Variants in HS3ST4 observed in about 807,000 individuals in gnomAD.
The protein encoded by HS3ST4 is heparan sulfate-glucosamine 3-sulfotransferase 4.
HS3ST4 carries 17 observed loss-of-function variants against 29.2 expected under a neutral mutation model. The ratio of observed to expected loss-of-function variants is 0.58; its 90% CI spans 0.40 to 0.87. HS3ST4 has a LOEUF of 0.87. Ranked by LOEUF, HS3ST4 falls within the 40% of genes least tolerant of loss-of-function variation. The pLI is 0.00. For missense variants in HS3ST4, 627 were observed against 634.5 expected, an observed-to-expected ratio of 0.99 and a Z score of 0.13; for synonymous variants, 314 against 285.7, an observed-to-expected ratio of 1.10 and a Z score of -1.00.
intron 1 of HS3ST4, among the ~76,000 whole-genome samples, chr16:25,728,999 CTT>C (rs947565273): frequency 6.6e-6 from 1 of 151,880 alleles, no homozygotes; most frequent in Non-Finnish European, 1.5e-5. Context: ...GGGAGGATCT[CTT>C]GAGCCCAGGA....
chr16:25,974,014 C>G (rs1968920240), intron 1 of HS3ST4, among the ~76,000 whole-genome samples: 1 of 152,188 alleles, frequency 6.6e-6, no homozygotes, highest in Admixed American at 6.5e-5. Flanking sequence ...AAGACACATG[C>G]TCGTAAGCAG....
At chr16:26,023,791 C>T (rs62034502) in intron 1 of HS3ST4, among the ~76,000 whole-genome samples, 82,022 of 151,918 alleles carry the variant, frequency 0.54, 22,891 homozygotes, top group South Asian at 0.74. Context: ...GGGTAGAATG[C>T]ACATGATGTT....
At chr16:26,102,256 A>ATT (rs5816353) in intron 1 of HS3ST4, among the ~76,000 whole-genome samples, 12 of 151,394 alleles carry the variant, frequency 7.9e-5, no homozygotes, top group South Asian at 2.1e-4. Context: ...CACAGCAATG[A>ATT]TTTTTTTTTT....
At chr16:26,067,134 TAAC>T (rs1898552240) in intron 1 of HS3ST4, among the ~76,000 whole-genome samples, 1 of 152,138 alleles carries the variant, frequency 6.6e-6, no homozygotes, top group Admixed American at 6.5e-5. Context: ...CATCTCTACT[TAAC>T]AACACTTCCA....
chr16:25,997,533 A>G (rs999434451), intron 1 of HS3ST4, among the ~76,000 whole-genome samples: 20 of 152,188 alleles, frequency 1.3e-4, no homozygotes, highest in African/African-American at 4.8e-4. Context: ...TCAACAACCT[A>G]TATCTCTTCA....
chr16:26,088,935 A>C (rs1419327006), intron 1 of HS3ST4, among the ~76,000 whole-genome samples: 1 of 152,214 alleles, frequency 6.6e-6, no homozygotes, highest in Non-Finnish European at 1.5e-5. Flanking sequence ...ATCATCCAAA[A>C]TATACCTCTC....
intron 1 of HS3ST4, among the ~76,000 whole-genome samples, chr16:26,038,107 G>A (rs1179501264): frequency 6.6e-6 from 1 of 152,040 alleles, no homozygotes; most frequent in Non-Finnish European, 1.5e-5. Context: ...ACTCTCCTGT[G>A]GCTTCCTCTG....
chr16:26,126,089 C>T (rs1010833275), intron 1 of HS3ST4, among the ~76,000 whole-genome samples: 5 of 152,224 alleles, frequency 3.3e-5, no homozygotes, highest in African/African-American at 1.2e-4. Flanking sequence ...ATTATTCAGA[C>T]CCGCCTCTGA....
intron 1 of HS3ST4, among the ~76,000 whole-genome samples, chr16:26,058,776 C>T (rs79392750): frequency 0.075 from 11,404 of 152,258 alleles, 628 homozygotes; most frequent in Admixed American, 0.17. Context: ...ACACCTGACT[C>T]AGTCCCTTTC....
intron 1 of HS3ST4, among the ~76,000 whole-genome samples, chr16:26,122,367 G>T (rs1013847527): frequency 3.3e-5 from 5 of 151,856 alleles, no homozygotes; most frequent in African/African-American, 1.2e-4. Context: ...GGGTTTAATT[G>T]TGTTGTATGG....
rs184417450 is a variant in HS3ST4, at chr16:25,906,334, A to G, written c.734+213183A>G. Among the ~76,000 whole-genome samples, 564 of 152,306 alleles carry G rather than the reference A, an allele frequency of 3.7e-3. 3 individuals are homozygous for G. The highest frequency in any genetic ancestry group is 0.013 in the African/African-American group (541 of 41,576). ...GCTTTTCAAGCAAATTCAATTAAAC[A>G]TTATTTTTTATTCTTACCCTATGTA... On this transcript the variant is annotated intron_variant, in intron 1 of 1. Transcript: ENST00000331351.
intron 1 of HS3ST4, among the ~76,000 whole-genome samples, chr16:25,753,457 G>A (rs1966734325): frequency 6.6e-6 from 1 of 152,148 alleles, no homozygotes; most frequent in Non-Finnish European, 1.5e-5. Context: ...GTTTCAGTTG[G>A]GTGTTTAGTT....
intron 1 of HS3ST4, among the ~76,000 whole-genome samples, chr16:25,938,674 G>C (rs1968542261): frequency 6.6e-6 from 1 of 151,842 alleles, no homozygotes; most frequent in Non-Finnish European, 1.5e-5. Context: ...CTCAAGGCCA[G>C]TGCACCTGGT....
chr16:25,759,904 G>GA (rs796416667), intron 1 of HS3ST4, among the ~76,000 whole-genome samples: 3 of 149,970 alleles, frequency 2.0e-5, no homozygotes, highest in Admixed American at 6.6e-5. Context: ...ATAATAAAGA[G>GA]AAAAAAAAAG....
intron 1 of HS3ST4, among the ~76,000 whole-genome samples, chr16:25,902,557 G>C (rs976641505): frequency 2.0e-5 from 3 of 152,068 alleles, no homozygotes; most frequent in African/African-American, 7.2e-5. Context: ...AGCATCATGG[G>C]AGGAGTGTGG....
At chr16:25,841,067 C>T (rs969373390) in intron 1 of HS3ST4, among the ~76,000 whole-genome samples, 3 of 147,690 alleles carry the variant, frequency 2.0e-5, no homozygotes, top group Non-Finnish European at 4.5e-5. Flanking sequence ...TGCAGTGGTG[C>T]GATCTCTGCT....
rs1057048491 is a variant in HS3ST4, at chr16:26,058,399, T to C, written c.735-77213T>C. ...GCAGGCTTTTTGGTTGACTTAAATG[T>C]GGGCTTTGGGGCAGGGCAGCAACAC... is the stretch of plus-strand genomic sequence containing the variant. On this transcript the variant is annotated intron_variant, in intron 1 of 1. Coordinates refer to ENST00000331351, the MANE Select transcript of HS3ST4 (RefSeq NM_006040.3). Among the ~76,000 whole-genome samples the C allele has an allele frequency of 3.7e-4, 56 of 152,256 alleles. 1 individual carries two copies. Among genetic ancestry groups the C allele is most frequent in the Admixed American group, 3.6e-3 (55 of 15,296 alleles).
chr16:26,065,314 T>C (rs1238473974), intron 1 of HS3ST4, among the ~76,000 whole-genome samples: 1 of 152,248 alleles, frequency 6.6e-6, no homozygotes, highest in East Asian at 1.9e-4. Flanking sequence ...TGAGGTCATG[T>C]CCTTTGCAGG....
In HS3ST4 at chr16:25,956,121, G is replaced by A. The variant is rs186706934; in HGVS notation, c.735-179491G>A. On this transcript the variant is annotated intron_variant, in intron 1 of 1. Transcript: ENST00000331351. ...GTGAGCCACCATGCCCAGCCAATGT[G>A]TACTTTTTAAAGGTATGTAGAGAAA... is the stretch of plus-strand genomic sequence containing the variant. Among the ~76,000 whole-genome samples, 174 of 152,102 alleles carry A rather than the reference G, an allele frequency of 1.1e-3. 1 individual carries two copies. Among genetic ancestry groups the A allele is most frequent in the African/African-American group, 4.0e-3 (168 of 41,516 alleles).
Sources: gnomAD v4.1 joint callset for allele counts (sites outside exome capture counted in the v4.1 genomes callset) on GRCh38, gnomAD v4.1.1 for gene constraint, MANE v1.5 for transcripts, NCBI Gene and HGNC (gene_info 2026-07-23, HGNC 2026-07-21) for gene names.